The following CARM1 variants were observed in gnomAD, a reference collection of about 807,000 sequenced individuals.
CARM1 encodes histone-arginine methyltransferase CARM1.
In CARM1, 14 loss-of-function variants were observed where a neutral mutation model predicts 72.7. That is an observed-to-expected ratio of 0.19 (90% CI 0.13 to 0.30). The LOEUF (loss-of-function observed/expected upper bound fraction) is 0.30, where lower values mean the gene tolerates loss of function less well. CARM1 is among the 10% of genes least tolerant of loss of function. The pLI, the probability that CARM1 is intolerant of heterozygous loss-of-function variation, is 1.00. For missense variants in CARM1, 432 were observed against 833.7 expected (o/e 0.52, Z 5.93); for synonymous variants, 333 against 345.5 (o/e 0.96, Z 0.40).
Position 10,920,036 on chromosome 19 carries a change from T to G in CARM1, c.1196+70T>G. The G allele has an allele frequency of 1.6e-6, 2 of 1,218,484 alleles. No homozygotes were observed. The highest frequency in any genetic ancestry group is 2.5e-5 in the South Asian group (2 of 81,626). 75.5% of individuals were successfully genotyped at this position (1,218,484 alleles called of 1,614,324 possible). Reference sequence around the variant, plus strand: ...GGGCTTCCTGCAGCTGCAACCTGGCTGGGGGGGTGGAACATGGCTCCAGGT... The same window carrying G: ...GGGCTTCCTGCAGCTGCAACCTGGCGGGGGGGGTGGAACATGGCTCCAGGT... On this transcript the variant is annotated intron_variant, in intron 10 of 15. Coordinates refer to ENST00000327064, the MANE Select transcript of CARM1 (RefSeq NM_199141.2). This position sits in a 1 kb window ranked among gnomAD's most constrained non-coding sequence, Gnocchi z 5.3.
rs1208622121 is a variant in CARM1, at chr19:10,915,859, AG to A, written c.848-546del. Among the ~76,000 whole-genome samples, 1 of 152,168 alleles carries A rather than the reference AG, an allele frequency of 6.6e-6. No homozygotes were observed. Among genetic ancestry groups the A allele is most frequent in the African/African-American group, 2.4e-5 (1 of 41,452 alleles). ...CTCAGTCTGTGTGCCCAGACCAGGCAGGCCAAGTGGCCCATCCTGCCGGCTG... is the reference window on the plus strand; with the variant it reads ...CTCAGTCTGTGTGCCCAGACCAGGCAGCCAAGTGGCCCATCCTGCCGGCTG... On this transcript the variant is annotated intron_variant, in intron 6 of 15. Coordinates refer to ENST00000327064, the MANE Select transcript of CARM1 (RefSeq NM_199141.2). The surrounding 1 kb of genome is among the most constrained non-coding windows in gnomAD (Gnocchi z 4.6).
chr19:10,910,003 G>T (rs1370165733), intron 4 of CARM1, among the ~76,000 whole-genome samples: 2 of 152,178 alleles, frequency 1.3e-5, no homozygotes, highest in Admixed American at 1.3e-4. Flanking sequence ...CAAGGCAGGG[G>T]GATCATTTGA....
intron 8 of CARM1, among the ~76,000 whole-genome samples, chr19:10,917,390 T>C (rs1440914970): frequency 2.0e-5 from 3 of 151,776 alleles, no homozygotes; most frequent in African/African-American, 4.8e-5. Context: ...GGCAGGAGAA[T>C]GGCGTGAACC....
At chr19:10,885,370 G>T (rs919897748) in intron 1 of CARM1, among the ~76,000 whole-genome samples, 2 of 152,070 alleles carry the variant, frequency 1.3e-5, no homozygotes, top group African/African-American at 4.8e-5. Context: ...CCTTTATGTC[G>T]TTGGCAGGTC....
intron 4 of CARM1, among the ~76,000 whole-genome samples, chr19:10,910,405 T>C (rs889887758): frequency 6.6e-6 from 1 of 150,552 alleles, no homozygotes; most frequent in East Asian, 2.0e-4. Context: ...CACTTGAACC[T>C]GGGAGGCGGA....
intron 15 of CARM1, 66 bp from the exon 16 acceptor site, chr19:10,921,549 T>C (rs2074250193): frequency 1.3e-6 from 2 of 1,575,058 alleles, no homozygotes; most frequent in Admixed American, 3.6e-5. Context: ...TTTCTCTCTC[T>C]CTGTGACTCT....
rs187052822 is a variant in CARM1, at chr19:10,888,126, T to C, written c.220+16204T>C. ...GGGCCTCCTGCTGGCCTAGTCCCCA[T>C]AGAGAGCTGCAGCCCAGCTCCTGCC... is the stretch of plus-strand genomic sequence containing the variant. On this transcript the variant is annotated intron_variant, in intron 1 of 15. Coordinates refer to ENST00000327064, the MANE Select transcript of CARM1 (RefSeq NM_199141.2). Among the ~76,000 whole-genome samples the C allele has an allele frequency of 2.6e-5, 4 of 152,276 alleles. No homozygotes were observed. In the East Asian group the frequency reaches 5.8e-4, roughly 22 times the overall value.
intron 1 of CARM1, among the ~76,000 whole-genome samples, chr19:10,888,383 C>T (rs1181045240): frequency 2.0e-5 from 3 of 152,206 alleles, no homozygotes; most frequent in African/African-American, 7.2e-5. Flanking sequence ...CCAGCTGAGC[C>T]ACCTGGAGAC....
chr19:10,882,008 G>T (rs1158008245), intron 1 of CARM1, among the ~76,000 whole-genome samples: 1 of 152,144 alleles, frequency 6.6e-6, no homozygotes, highest in Non-Finnish European at 1.5e-5. Flanking sequence ...TTAGAGGGAG[G>T]CTGAGGGCAG....
chr19:10,918,897 C>T (rs1403038965), intron 8 of CARM1: 1 of 152,212 alleles, frequency 6.6e-6, no homozygotes, highest in Non-Finnish European at 1.5e-5. Context: ...CTTCCAACAA[C>T]TGGTTTATTC....
At chr19:10,880,075 C>A (rs1377931379) in intron 1 of CARM1, among the ~76,000 whole-genome samples, 1 of 152,180 alleles carries the variant, frequency 6.6e-6, no homozygotes, top group Admixed American at 6.5e-5. Context: ...AGATGCCAAG[C>A]CTCACACACC....
At chr19:10,881,803 G>A (rs1254488423) in intron 1 of CARM1, among the ~76,000 whole-genome samples, 1 of 152,196 alleles carries the variant, frequency 6.6e-6, no homozygotes, top group Non-Finnish European at 1.5e-5. Flanking sequence ...CAGCCAGCTT[G>A]AAATGGTCAG....
In CARM1 at chr19:10,901,272, T is replaced by C. The variant is rs896450096; in HGVS notation, c.221-3679T>C. On this transcript the variant is annotated intron_variant, in intron 1 of 15. Coordinates refer to ENST00000327064, the MANE Select transcript of CARM1 (RefSeq NM_199141.2). ...TGCTGGGATTACAGGCATGAGCCAC[T>C]GCACTTGGCCAGCTTTTTGTTTGTT... Among the ~76,000 whole-genome samples, 43 of 152,022 alleles carry C rather than the reference T, an allele frequency of 2.8e-4. 1 individual carries two copies. Among genetic ancestry groups the C allele is most frequent in the Admixed American group, 2.0e-4 (3 of 15,240 alleles).
chr19:10,887,097 A>G (rs1322684664), intron 1 of CARM1, among the ~76,000 whole-genome samples: 1 of 152,220 alleles, frequency 6.6e-6, no homozygotes, highest in Non-Finnish European at 1.5e-5. Context: ...TTGGTGGCAG[A>G]GTTGGGATGT....
At position 10,887,845 on chromosome 19, in the gene CARM1, C is replaced by T. The variant is rs906898191; in HGVS notation, c.220+15923C>T. On this transcript the variant is annotated intron_variant, in intron 1 of 15. Coordinates refer to ENST00000327064, the MANE Select transcript of CARM1 (RefSeq NM_199141.2). ...CTTCGATTTCCTCCATTGGAGGCTG[C>T]CTCCGCTCCAGCCTCTCTGGAGCGC... Among the ~76,000 whole-genome samples, 46 of 152,108 alleles carry T rather than the reference C, an allele frequency of 3.0e-4. 1 individual carries two copies. Among genetic ancestry groups the T allele is most frequent in the Admixed American group, 6.5e-5 (1 of 15,278 alleles).
Position 10,921,687 on chromosome 19 carries a change from T to C in CARM1, c.1757T>C (p.Met586Thr). The C allele has an allele frequency of 6.2e-7, 1 of 1,613,578 alleles. No homozygotes were observed. Among genetic ancestry groups the C allele is most frequent in the Non-Finnish European group, 8.5e-7 (1 of 1,179,850 alleles). ...AHYAVNSQFTMGGPAISMASP... is the reference protein window; with the variant it reads ...AHYAVNSQFTTGGPAISMASP... ...TATGCAGTCAACAGCCAGTTCACCA[T>C]GGGCGGCCCCGCCATCTCCATGGCG... Residue 586 changes from methionine (M) to threonine (T), a missense_variant, in exon 16 of 16, where the codon ATG (methionine) becomes ACG (threonine). Met to Thr is a moderately conservative substitution (Grantham distance 81). Around this residue, in one of 3 missense-constraint regions of CARM1, gnomAD observed 142 missense variants for 188.7 expected, o/e 0.75. Coordinates refer to ENST00000327064, the MANE Select transcript of CARM1 (RefSeq NM_199141.2).
chr19:10,900,611 G>A (rs182629226), intron 1 of CARM1, among the ~76,000 whole-genome samples: 63 of 152,250 alleles, frequency 4.1e-4, no homozygotes, highest in Admixed American at 4.0e-3. Flanking sequence ...TTTCTATCTT[G>A]TGTCTGTCGT....
chr19:10,915,823 C>T lies in CARM1; in HGVS notation c.848-584C>T, dbSNP rs2074191503. The stretch of plus-strand genomic sequence containing the variant: ...CTACCCTTGAGTCACAGAGGGAGGC[C>T]CTGCCCTTCCCTCAGTCTGTGTGCC... On this transcript the variant is annotated intron_variant, in intron 6 of 15. Transcript: ENST00000327064. The surrounding 1 kb of genome is among the most constrained non-coding windows in gnomAD (Gnocchi z 4.6). Among the ~76,000 whole-genome samples the T allele has an allele frequency of 6.6e-6, 1 of 152,142 alleles. No individual in the cohort carries two copies. The highest frequency in any genetic ancestry group is 6.5e-5 in the Admixed American group (1 of 15,274).
chr19:10,883,880 C>T (rs1329248913), intron 1 of CARM1, among the ~76,000 whole-genome samples: 5 of 150,454 alleles, frequency 3.3e-5, no homozygotes, highest in Non-Finnish European at 7.4e-5. Flanking sequence ...TAGCTGGGCG[C>T]GGTGGTGTGC....
Sources: gnomAD v4.1 joint callset for allele counts (sites outside exome capture counted in the v4.1 genomes callset) on GRCh38, gnomAD v4.1.1 for gene constraint, gnomAD v4.1.1 regional missense constraint, Gnocchi (gnomAD v3.1) non-coding constraint, MANE v1.5 for transcripts, NCBI Gene and HGNC (gene_info 2026-07-23, HGNC 2026-07-21) for gene names.